MAP3K20: variants seen among roughly 807,000 people sequenced by gnomAD.
The protein encoded by MAP3K20 is mitogen-activated protein kinase kinase kinase 20.
A neutral mutation model predicts 85.7 loss-of-function variants in MAP3K20; 40 were observed. The ratio of observed to expected loss-of-function variants is 0.47; its 90% CI spans 0.36 to 0.61. MAP3K20 has a LOEUF of 0.61. Among genes scored for constraint, MAP3K20 ranks in the 20% least tolerant of loss-of-function variants. MAP3K20 has a pLI of 0.00. For missense variants in MAP3K20, 817 were observed against 961.7 expected, an observed-to-expected ratio of 0.85 and a Z score of 1.99; for synonymous variants, 325 against 327.7, an observed-to-expected ratio of 0.99 and a Z score of 0.09.
intron 12 of MAP3K20, 31 bp downstream of exon 12, chr2:173,229,764 C>T: frequency 1.2e-6 from 2 of 1,612,388 alleles, no homozygotes; most frequent in Non-Finnish European, 8.5e-7. Context: ...CCTTATTTGA[C>T]TTGAGCAGGT....
At chr2:173,124,817 A>G (rs2106192323) in intron 2 of MAP3K20, among the ~76,000 whole-genome samples, 1 of 152,270 alleles carries the variant, frequency 6.6e-6, no homozygotes, top group African/African-American at 2.4e-5. Context: ...GCCTCTATTA[A>G]GAAAGCTTAA....
chr2:173,219,922 G>A (rs1251374144), intron 11 of MAP3K20, among the ~76,000 whole-genome samples: 1 of 151,986 alleles, frequency 6.6e-6, no homozygotes, highest in Non-Finnish European at 1.5e-5. Flanking sequence ...CAAAAAATTA[G>A]CTGGGCGTGG....
intron 2 of MAP3K20, among the ~76,000 whole-genome samples, chr2:173,122,606 G>T (rs1688326503): frequency 6.6e-6 from 1 of 151,988 alleles, no homozygotes; most frequent in Non-Finnish European, 1.5e-5. Flanking sequence ...CCTAGAACTG[G>T]GTGTGATTCT....
chr2:173,261,177 GT>G (rs760510962), intron 18 of MAP3K20, 40 bp downstream of exon 18: 1 of 1,581,884 alleles, frequency 6.3e-7, no homozygotes, highest in Non-Finnish European at 8.7e-7. Flanking sequence ...CTCACCATCA[GT>G]TAATGAATAT....
intron 17 of MAP3K20, among the ~76,000 whole-genome samples, chr2:173,259,767 C>T (rs1433664901): frequency 1.3e-5 from 2 of 152,168 alleles, no homozygotes; most frequent in African/African-American, 4.8e-5. Flanking sequence ...GAGTTATTTC[C>T]ATGGCATTAT....
intron 1 of MAP3K20, among the ~76,000 whole-genome samples, chr2:173,084,230 A>T (rs547928204): frequency 2.1e-3 from 315 of 152,198 alleles, no homozygotes; most frequent in Non-Finnish European, 2.4e-3. Flanking sequence ...AATTTTTTTT[A>T]AAAAATCATC....
At chr2:173,213,341 C>CCTGT (rs560472676) in intron 10 of MAP3K20, among the ~76,000 whole-genome samples, 9 of 152,320 alleles carry the variant, frequency 5.9e-5, no homozygotes, top group African/African-American at 2.2e-4. Flanking sequence ...CCTCATCTTT[C>CCTGT]AGGAACTGTT....
chr2:173,132,630 T>C (rs1390291061), intron 2 of MAP3K20, among the ~76,000 whole-genome samples: 2 of 152,182 alleles, frequency 1.3e-5, no homozygotes, highest in African/African-American at 4.8e-5. Context: ...TGTAAGCTTT[T>C]CCCCTCCCCT....
At chr2:173,238,335 A>C in intron 14 of MAP3K20, 38 bp from the exon 15 acceptor site, 5 of 1,552,070 alleles carry the variant, frequency 3.2e-6, no homozygotes, top group Non-Finnish European at 4.4e-6. Context: ...TCTTGGTATT[A>C]CTGGATCATT....
chr2:173,206,070 TTCTC>T (rs1266693710), intron 9 of MAP3K20, among the ~76,000 whole-genome samples: 5 of 152,252 alleles, frequency 3.3e-5, no homozygotes, highest in East Asian at 1.9e-4. Flanking sequence ...GGACATATGT[TTCTC>T]TCTGATACAT....
At chr2:173,237,321 G>A (rs6749288) in intron 14 of MAP3K20, among the ~76,000 whole-genome samples, 7 of 152,012 alleles carry the variant, frequency 4.6e-5, no homozygotes, top group African/African-American at 1.2e-4. Context: ...GCCACCGCAC[G>A]CGGCCCCCAC....
In MAP3K20 at chr2:173,119,605, C is replaced by T. The variant is rs753145339; in HGVS notation, c.159+28415C>T. Reference sequence around the variant, plus strand: ...CAGTATCACGAGGCAGCACAAAACACGATGGATTTGGTGGTGCTGAGAGGC... The same window carrying T: ...CAGTATCACGAGGCAGCACAAAACATGATGGATTTGGTGGTGCTGAGAGGC... On this transcript the variant is annotated intron_variant, in intron 2 of 19. Coordinates refer to ENST00000375213, the MANE Select transcript of MAP3K20 (RefSeq NM_016653.3). Among the ~76,000 whole-genome samples the T allele has an allele frequency of 4.6e-5, 7 of 152,190 alleles. No homozygotes were observed. The East Asian group carries it at 5.8e-4, about 13-fold the overall frequency.
intron 11 of MAP3K20, chr2:173,227,123 T>A: frequency 1.0e-6 from 1 of 985,882 alleles, no homozygotes; most frequent in Non-Finnish European, 1.2e-6. Context: ...GACTCCATTT[T>A]GCAATAAACG....
chr2:173,238,291 A>T (rs1167250849), intron 14 of MAP3K20, 82 bp from the exon 15 acceptor site: 2 of 1,170,640 alleles, frequency 1.7e-6, no homozygotes, highest in Non-Finnish European at 2.5e-6. Context: ...TAAATAAGGA[A>T]TGTTTTTGTT....
At chr2:173,125,395 A>G (rs1433473870) in intron 2 of MAP3K20, among the ~76,000 whole-genome samples, 1 of 152,240 alleles carries the variant, frequency 6.6e-6, no homozygotes, top group African/African-American at 2.4e-5. Context: ...GGCTCATCAC[A>G]GCAAAATAAG....
At chr2:173,176,762 T>C (rs939727868) in intron 3 of MAP3K20, among the ~76,000 whole-genome samples, 1 of 152,098 alleles carries the variant, frequency 6.6e-6, no homozygotes. Context: ...TCAGATCAGA[T>C]TAAAAAATAA....
chr2:173,168,180 G>T (rs1250714296), intron 2 of MAP3K20, among the ~76,000 whole-genome samples: 1 of 151,936 alleles, frequency 6.6e-6, no homozygotes, highest in Admixed American at 6.6e-5. Flanking sequence ...ATGAATAGTT[G>T]TGTTGCACAA....
At chr2:173,206,312 T>G (rs1160629619) in intron 9 of MAP3K20, among the ~76,000 whole-genome samples, 1 of 152,244 alleles carries the variant, frequency 6.6e-6, no homozygotes, top group African/African-American at 2.4e-5. Flanking sequence ...TGTCTTTAAA[T>G]GTAGTAAGCT....
chr2:173,256,631 GTTT>G (rs1685169849), intron 16 of MAP3K20, among the ~76,000 whole-genome samples: 1 of 152,034 alleles, frequency 6.6e-6, no homozygotes. Flanking sequence ...ATCCCCAAAC[GTTT>G]TTATTATTAA....
Sources: allele counts gnomAD v4.1 joint callset (sites outside exome capture counted in the v4.1 genomes callset), GRCh38; gene constraint gnomAD v4.1.1; transcripts MANE v1.5; gene names NCBI Gene and HGNC (gene_info 2026-07-23, HGNC 2026-07-21).